Variants in TTC28 observed in about 807,000 individuals in gnomAD.
The protein encoded by TTC28 is tetratricopeptide repeat domain 28, also known as tetratricopeptide repeat protein 28.
A neutral mutation model predicts 198.0 loss-of-function variants in TTC28; 61 were observed. The observed-to-expected ratio is 0.31, with a 90% CI of 0.25 to 0.38. The LOEUF is 0.38. Among genes scored for constraint, TTC28 ranks in the 10% least tolerant of loss-of-function variants. The probability of loss-of-function intolerance (pLI) is 1.00; values close to 1 mark genes in which losing one functional copy is unlikely to be tolerated. For synonymous variants in TTC28, 1,171 were observed against 1,297.8 expected, an observed-to-expected ratio of 0.90 and a Z score of 2.10; for missense variants, 2,678 against 3,164.0, an observed-to-expected ratio of 0.85 and a Z score of 3.69.
At chr22:28,321,360 T>C (rs2045443336) in intron 2 of TTC28, among the ~76,000 whole-genome samples, 2 of 152,252 alleles carry the variant, frequency 1.3e-5, no homozygotes, top group Admixed American at 1.3e-4. Context: ...TAAATATTCA[T>C]GTTCATAAAT....
chr22:28,341,043 C>T (rs1007133382), intron 2 of TTC28, among the ~76,000 whole-genome samples: 2 of 152,154 alleles, frequency 1.3e-5, no homozygotes, highest in African/African-American at 4.8e-5. Flanking sequence ...CAACATGTAG[C>T]ATCTTTTGAG....
At chr22:28,233,870 C>T (rs1160995031) in intron 5 of TTC28, among the ~76,000 whole-genome samples, 1 of 150,886 alleles carries the variant, frequency 6.6e-6, no homozygotes, top group African/African-American at 2.4e-5. Context: ...TCCTGAGTAG[C>T]TGGGACTACA....
chr22:28,342,066 ACT>A (rs1233510186), intron 2 of TTC28, among the ~76,000 whole-genome samples: 2 of 152,104 alleles, frequency 1.3e-5, no homozygotes, highest in Non-Finnish European at 2.9e-5. Flanking sequence ...CATGTTTAAA[ACT>A]CTGTAATAAA....
At chr22:28,527,366 T>A (rs1489856192) in intron 2 of TTC28, among the ~76,000 whole-genome samples, 4 of 152,192 alleles carry the variant, frequency 2.6e-5, no homozygotes, top group South Asian at 2.1e-4. Context: ...CCTGCATGCA[T>A]TAATGCCGCC....
intron 6 of TTC28, among the ~76,000 whole-genome samples, chr22:28,126,716 T>C: frequency 6.6e-6 from 1 of 152,224 alleles, no homozygotes; most frequent in East Asian, 1.9e-4. Context: ...ATACTGCAGA[T>C]GTCCTGAGAA....
intron 1 of TTC28, among the ~76,000 whole-genome samples, chr22:28,672,057 C>T (rs2145711463): frequency 6.7e-6 from 1 of 149,180 alleles, no homozygotes; most frequent in East Asian, 2.0e-4. Context: ...GACAGAGTCT[C>T]GCTCTGTCAC....
At chr22:28,642,105 T>G (rs541943304) in intron 1 of TTC28, among the ~76,000 whole-genome samples, 9 of 152,212 alleles carry the variant, frequency 5.9e-5, no homozygotes, top group Non-Finnish European at 1.3e-4. Flanking sequence ...ACTATTACTT[T>G]TATTAGACCA....
chr22:28,379,534 A>G (rs1238509866), intron 2 of TTC28, among the ~76,000 whole-genome samples: 1 of 152,220 alleles, frequency 6.6e-6, no homozygotes, highest in African/African-American at 2.4e-5. Flanking sequence ...AAAAAAGACA[A>G]ATACTGTATA....
At chr22:27,990,833 GAAAAAGAAAGAA>G (rs766989387) in intron 19 of TTC28, 21 bp from the exon 20 acceptor site, 1 of 1,545,980 alleles carries the variant, frequency 6.5e-7, no homozygotes, top group South Asian at 1.2e-5. Context: ...CAGATTATAA[GAAAAAGAAAGAA>G]AGAGAGAAAG....
chr22:28,306,430 G>C, intron 3 of TTC28, 66 bp downstream of exon 3: 2 of 1,498,306 alleles, frequency 1.3e-6, no homozygotes, highest in Non-Finnish European at 1.8e-6. Context: ...TGAGCCTAAA[G>C]TCTTGGAAGG....
chr22:28,644,036 A>T (rs975522639), intron 1 of TTC28, among the ~76,000 whole-genome samples: 3 of 152,210 alleles, frequency 2.0e-5, no homozygotes, highest in African/African-American at 7.2e-5. Context: ...ACCCTTGTGC[A>T]GGCTGGCTCT....
intron 12 of TTC28, among the ~76,000 whole-genome samples, chr22:28,062,361 G>A (rs1940577513): frequency 6.7e-6 from 1 of 149,648 alleles, no homozygotes; most frequent in East Asian, 2.0e-4. Flanking sequence ...GCATCTGGTG[G>A]TCTACTATCT....
At chr22:28,082,874 C>A (rs989831076) in intron 12 of TTC28, among the ~76,000 whole-genome samples, 2 of 152,130 alleles carry the variant, frequency 1.3e-5, no homozygotes, top group African/African-American at 4.8e-5. Context: ...CATCTGGTCC[C>A]AAACTTTTCT....
intron 6 of TTC28, among the ~76,000 whole-genome samples, chr22:28,137,713 G>C (rs1457245030): frequency 6.6e-6 from 1 of 151,984 alleles, no homozygotes; most frequent in African/African-American, 2.4e-5. Flanking sequence ...CATTCTACTG[G>C]TTAGAAAATA....
intron 1 of TTC28, among the ~76,000 whole-genome samples, chr22:28,672,966 ATAAT>A (rs1353886641): frequency 6.6e-6 from 1 of 152,248 alleles, no homozygotes; most frequent in African/African-American, 2.4e-5. Flanking sequence ...CACTTGATAA[ATAAT>A]TGATTGTAAT....
intron 2 of TTC28, among the ~76,000 whole-genome samples, chr22:28,518,752 G>A (rs1025546312): frequency 6.6e-6 from 1 of 152,160 alleles, no homozygotes; most frequent in African/African-American, 2.4e-5. Flanking sequence ...TATCAATTAG[G>A]AAGATAGTAA....
intron 2 of TTC28, among the ~76,000 whole-genome samples, chr22:28,510,975 AACTACAAATCACTGCTCAAAGAAATCAG>A (rs2048679949): frequency 6.6e-6 from 1 of 152,118 alleles, no homozygotes; most frequent in Non-Finnish European, 1.5e-5. Flanking sequence ...CTTCAGAAAG[AACTACAAATCACTGCTCAAAGAAATCAG>A]AGAGGACACA....
Position 27,981,313 on chromosome 22 carries a change from A to G in TTC28, c.*908T>C, listed in dbSNP as rs1042579780. The G allele has an allele frequency of 2.5e-5, 3 of 122,264 alleles. No individual in the cohort carries two copies. Among genetic ancestry groups the G allele is most frequent in the African/African-American group, 9.3e-5 (3 of 32,198 alleles). The allele number at this position is 122,264 out of a possible 1,614,324, so 7.6% of individuals were successfully genotyped here. A position where few individuals can be genotyped will look rare whatever the true frequency, so the allele number is the denominator to read the frequency against. ...ATTTCAACCTTTCCTTCCAAACTTG[A>G]TAATTACTTATTGATGACTATTCAA... On this transcript the variant is annotated 3_prime_UTR_variant, in exon 23 of 23. Transcript: ENST00000397906.
chr22:28,457,312 T>G (rs2047877107), intron 2 of TTC28, among the ~76,000 whole-genome samples: 1 of 152,222 alleles, frequency 6.6e-6, no homozygotes, highest in Non-Finnish European at 1.5e-5. Context: ...CAACAACCAG[T>G]GCATAACCCT....
Sources: allele counts gnomAD v4.1 joint callset (sites outside exome capture counted in the v4.1 genomes callset), GRCh38; gene constraint gnomAD v4.1.1; transcripts MANE v1.5; gene names NCBI Gene and HGNC (gene_info 2026-07-23, HGNC 2026-07-21).